KIAA2012: variants seen among roughly 807,000 people sequenced by gnomAD.
The protein encoded by KIAA2012 is uncharacterized protein KIAA2012.
A neutral mutation model predicts 150.6 loss-of-function variants in KIAA2012; 125 were observed. The observed-to-expected ratio is 0.83, with a 90% confidence interval of 0.72 to 0.96. The LOEUF (loss-of-function observed/expected upper bound fraction) is 0.96. KIAA2012 is among the 40% of genes least tolerant of loss of function. KIAA2012 has a pLI of 0.00. For synonymous variants in KIAA2012, 462 were observed against 504.7 expected (o/e 0.92, Z 1.13); for missense variants, 1,219 against 1,354.9 (o/e 0.90, Z 1.57).
chr2:202,080,422 G>A (rs975381697), intron 2 of KIAA2012, among the ~76,000 whole-genome samples: 3 of 152,022 alleles, frequency 2.0e-5, no homozygotes, highest in African/African-American at 2.4e-5. Flanking sequence ...GGCCGGGCAC[G>A]ATGGCACACG....
chr2:202,094,111 G>A (rs962421356), intron 4 of KIAA2012, among the ~76,000 whole-genome samples: 5 of 152,284 alleles, frequency 3.3e-5, no homozygotes, highest in African/African-American at 9.6e-5. Flanking sequence ...GTGAGACCCT[G>A]TCTCTACAAA....
At chr2:202,143,844 C>G (rs1691247919) in intron 13 of KIAA2012, among the ~76,000 whole-genome samples, 1 of 152,130 alleles carries the variant, frequency 6.6e-6, no homozygotes, top group South Asian at 2.1e-4. Flanking sequence ...TTTTATCCCT[C>G]TAACTCTAGA....
intron 14 of KIAA2012, among the ~76,000 whole-genome samples, chr2:202,164,988 A>G (rs1212584345): frequency 3.3e-5 from 5 of 151,758 alleles, no homozygotes; most frequent in Non-Finnish European, 4.4e-5. Context: ...TATGTTGCCC[A>G]GGCTGGACTC....
intron 4 of KIAA2012, among the ~76,000 whole-genome samples, chr2:202,096,210 C>T (rs780758270): frequency 3.3e-5 from 5 of 152,122 alleles, no homozygotes; most frequent in African/African-American, 9.7e-5. Context: ...CTGGTTTGAC[C>T]CCAAGGAATC....
intron 14 of KIAA2012, among the ~76,000 whole-genome samples, chr2:202,162,486 G>T (rs1390464956): frequency 1.3e-5 from 2 of 151,584 alleles, no homozygotes; most frequent in African/African-American, 4.8e-5. Flanking sequence ...TGTTAGCCAG[G>T]CTGGTCTCGA....
intron 11 of KIAA2012, among the ~76,000 whole-genome samples, chr2:202,122,738 AG>A (rs1690682797): frequency 6.6e-6 from 1 of 152,176 alleles, no homozygotes; most frequent in Non-Finnish European, 1.5e-5. Flanking sequence ...TCCTGACCTC[AG>A]GTGATCCACC....
At chr2:202,081,550 T>A (rs1575000059) in intron 2 of KIAA2012, among the ~76,000 whole-genome samples, 1 of 150,110 alleles carries the variant, frequency 6.7e-6, no homozygotes, top group Non-Finnish European at 1.5e-5. Context: ...ACACTTTTTT[T>A]TTTTTTTTTT....
At chr2:202,076,993 C>T (rs746956798) in intron 2 of KIAA2012, 15 of 456,952 alleles carry the variant, frequency 3.3e-5, no homozygotes, top group African/African-American at 2.8e-4. Flanking sequence ...AGGAAGACCA[C>T]AGTATTTCTC....
chr2:202,140,821 A>G (rs1691182541), intron 13 of KIAA2012, among the ~76,000 whole-genome samples: 1 of 152,158 alleles, frequency 6.6e-6, no homozygotes, highest in African/African-American at 2.4e-5. Flanking sequence ...AGCAGAGGAC[A>G]TCACAATACT....
intron 8 of KIAA2012, among the ~76,000 whole-genome samples, chr2:202,103,755 G>A (rs1050095102): frequency 1.3e-5 from 2 of 152,220 alleles, no homozygotes; most frequent in African/African-American, 4.8e-5. Flanking sequence ...AAAGTTCTAA[G>A]AGAATATGAG....
intron 13 of KIAA2012, among the ~76,000 whole-genome samples, chr2:202,141,479 A>C (rs1691196340): frequency 6.6e-6 from 1 of 152,198 alleles, no homozygotes; most frequent in Admixed American, 6.5e-5. Flanking sequence ...TTCAACTCCA[A>C]GCTCCCATTT....
intron 15 of KIAA2012, among the ~76,000 whole-genome samples, chr2:202,183,461 TG>T (rs1020234680): frequency 7.6e-6 from 1 of 131,098 alleles, no homozygotes; most frequent in Non-Finnish European, 1.6e-5. Context: ...GGGGGGTTTT[TG>T]GGGGGTTTTT....
intron 14 of KIAA2012, among the ~76,000 whole-genome samples, chr2:202,156,816 T>C (rs1461304934): frequency 1.3e-5 from 2 of 151,526 alleles, no homozygotes; most frequent in Non-Finnish European, 2.9e-5. Flanking sequence ...ACCCGGGAGG[T>C]GGAGCTTGCA....
At chr2:202,165,009 G>T (rs564915564) in intron 14 of KIAA2012, among the ~76,000 whole-genome samples, 2 of 151,974 alleles carry the variant, frequency 1.3e-5, no homozygotes, top group Non-Finnish European at 2.9e-5. Flanking sequence ...AAACTCCTGG[G>T]AACTCCTGTT....
chr2:202,119,674 G>T (rs1025158224), intron 11 of KIAA2012, among the ~76,000 whole-genome samples: 2 of 152,106 alleles, frequency 1.3e-5, no homozygotes, highest in African/African-American at 4.8e-5. Flanking sequence ...GGGGGTGGGG[G>T]ACTATGCAGG....
intron 2 of KIAA2012, among the ~76,000 whole-genome samples, chr2:202,089,043 T>C (rs527365668): frequency 3.3e-5 from 5 of 152,326 alleles, no homozygotes; most frequent in Admixed American, 2.6e-4. Context: ...CTTTGGCTTG[T>C]GCTTTTTGGA....
At chr2:202,116,375 T>C (rs1690523743) in intron 11 of KIAA2012, 1 of 152,644 alleles carries the variant, frequency 6.6e-6, no homozygotes, top group Non-Finnish European at 1.5e-5. Flanking sequence ...CAATCATGGC[T>C]CACTGAAGCC....
In KIAA2012 at chr2:202,186,994, C is replaced by T; in HGVS notation, c.2272C>T (p.Pro758Ser). 2 of 1,550,568 alleles carry T rather than the reference C, an allele frequency of 1.3e-6. No homozygotes were observed. Among genetic ancestry groups the T allele is most frequent in the Non-Finnish European group, 1.7e-6 (2 of 1,146,986 alleles). The change falls in exon 17 of 24, where the codon CCC becomes TCC. Residue 758 changes from proline (P) to serine (S), a missense_variant. Physicochemically the swap from Pro to Ser is moderately conservative, Grantham distance 74. Coordinates refer to ENST00000498697, the MANE Select transcript of KIAA2012 (RefSeq NM_001277372.4). ...RGLLGYGPES[P>S]ERLSAVYTSL... ...ACTTCTGGGATACGGGCCTGAGTCA[C>T]CCGAGAGGTTGAGTGCTGTGTATAC...
intron 14 of KIAA2012, among the ~76,000 whole-genome samples, chr2:202,157,115 G>A (rs559607662): frequency 3.9e-5 from 6 of 152,168 alleles, no homozygotes; most frequent in East Asian, 3.9e-4. Context: ...AAGGACTCAC[G>A]AAGTACACGC....
Sources: gnomAD v4.1 joint callset for allele counts (sites outside exome capture counted in the v4.1 genomes callset) on GRCh38, gnomAD v4.1.1 for gene constraint, MANE v1.5 for transcripts, NCBI Gene and HGNC (gene_info 2026-07-23, HGNC 2026-07-21) for gene names.